PLS3: variants seen among roughly 807,000 people sequenced by gnomAD.
The protein encoded by PLS3 is plastin-3.
A neutral mutation model predicts 46.5 loss-of-function variants in PLS3; 11 were observed. The ratio of observed to expected loss-of-function variants is 0.24; its 90% confidence interval spans 0.15 to 0.39. The LOEUF is 0.39. PLS3 is among the 10% of genes least tolerant of loss of function. PLS3 has a pLI of 1.00. For missense variants in PLS3, 308 were observed against 461.8 expected, an observed-to-expected ratio of 0.67 and a Z score of 3.05; for synonymous variants, 167 against 162.2, an observed-to-expected ratio of 1.03 and a Z score of -0.22.
At chrX:115,608,000 A>C (rs782315992) in intron 1 of PLS3, among the ~76,000 whole-genome samples, 1 of 111,871 alleles carries the variant, frequency 8.9e-6, no homozygotes, top group South Asian at 3.8e-4. Context: ...TCATAGGACT[A>C]TTGTGAGGGT....
chrX:115,597,391 C>T (rs1332750044), intron 1 of PLS3, among the ~76,000 whole-genome samples: 1 of 111,397 alleles, frequency 9.0e-6, no homozygotes, highest in Admixed American at 9.6e-5. Flanking sequence ...GCAATCTCTT[C>T]TTCACATTAA....
At chrX:115,636,355 C>T (rs1434751389) in intron 7 of PLS3, among the ~76,000 whole-genome samples, 3 of 109,452 alleles carry the variant, frequency 2.7e-5, no homozygotes, top group Non-Finnish European at 5.7e-5. Flanking sequence ...TACAGGCGCC[C>T]GCCACCACGC....
Position 115,562,132 on chromosome X carries a change from A to AC in PLS3, c.-9+879dup, listed in dbSNP as rs1180093930. On this transcript the variant is annotated intron_variant, in intron 1 of 15. Coordinates refer to ENST00000355899, the MANE Select transcript of PLS3 (RefSeq NM_005032.7). ...GGCGACGGGAGGGAGGTAATAGTCT[A>AC]CCCCCCCGCCCTTTCCCCGCACAGC... 1.8e-3 allele frequency among the ~76,000 whole-genome samples: 191 copies of AC among 105,932 alleles called. 1 individual carries two copies. The highest frequency in any genetic ancestry group is 5.4e-3 in the African/African-American group (155 of 28,889). The allele number at this position is 105,932 out of a possible 115,157, so 92.0% of individuals were successfully genotyped here. A position where few individuals can be genotyped will look rare whatever the true frequency, so the allele number is the denominator to read the frequency against.
At chrX:115,586,779 G>A (rs1556632517) in intron 1 of PLS3, among the ~76,000 whole-genome samples, 1 of 111,754 alleles carries the variant, frequency 8.9e-6, no homozygotes, top group Non-Finnish European at 1.9e-5. Flanking sequence ...TCAGCAAAAT[G>A]TGCTTTGAAG....
intron 9 of PLS3, 137 bp from the exon 10 acceptor site, chrX:115,643,176 A>T: frequency 1.6e-5 from 7 of 443,081 alleles, no homozygotes; most frequent in African/African-American, 2.4e-5. Flanking sequence ...TTTTTTTTGC[A>T]TTCAAAACAA....
At chrX:115,603,955 T>G (rs1185647817) in intron 1 of PLS3, among the ~76,000 whole-genome samples, 1 of 111,914 alleles carries the variant, frequency 8.9e-6, no homozygotes, top group Non-Finnish European at 1.9e-5. Flanking sequence ...ATTTGCAAAT[T>G]AGGAGGAATG....
At chrX:115,577,400 A>G (rs1004426598) in intron 1 of PLS3, among the ~76,000 whole-genome samples, 1 of 111,687 alleles carries the variant, frequency 9.0e-6, no homozygotes, top group African/African-American at 3.3e-5. Flanking sequence ...AGTTTCCTAT[A>G]TTGTATGTAA....
chrX:115,590,707 C>G (rs1488035628), intron 1 of PLS3, among the ~76,000 whole-genome samples: 2 of 111,512 alleles, frequency 1.8e-5, no homozygotes, highest in Non-Finnish European at 3.8e-5. Context: ...GTAATCCCAG[C>G]TACTCGGGAG....
At chrX:115,574,890 A>G (rs1398487061) in intron 1 of PLS3, among the ~76,000 whole-genome samples, 1 of 111,797 alleles carries the variant, frequency 8.9e-6, no homozygotes, top group Non-Finnish European at 1.9e-5. Flanking sequence ...CATACCATCT[A>G]TTTTTATAGA....
At chrX:115,635,123 T>A in intron 7 of PLS3, 77 bp downstream of exon 7, 1 of 845,720 alleles carries the variant, frequency 1.2e-6, no homozygotes, top group Non-Finnish European at 1.7e-6. Flanking sequence ...TGCTCTCACT[T>A]AATGGAGGTG....
Position 115,643,351 on chromosome X carries a change from A to G in PLS3, c.1026A>G (p.Gln342=). The change falls in exon 10 of 16, where the codon CAA becomes CAG. Residue 342 remains glutamine (Q), a synonymous_variant. Coordinates refer to ENST00000355899, the MANE Select transcript of PLS3 (RefSeq NM_005032.7). ...TGAAGAGAGCTGAGAGTATGCTTCA[A>G]CAAGCAGATAAATTAGGTTGCAGAC... ...DDLKRAESML[Q]QADKLGCRQF... 1 of 1,200,598 alleles carries G rather than the reference A, an allele frequency of 8.3e-7. No individual in the cohort carries two copies. The highest frequency in any genetic ancestry group is 1.1e-6 in the Non-Finnish European group (1 of 885,933).
intron 2 of PLS3, chrX:115,614,467 C>G (rs1556636530): frequency 2.7e-6 from 2 of 749,303 alleles, no homozygotes; most frequent in Non-Finnish European, 3.1e-6. Flanking sequence ...GCAGCAACCT[C>G]CAGTCTACCC....
chrX:115,573,352 C>G (rs1431422510), intron 1 of PLS3, among the ~76,000 whole-genome samples: 1 of 112,015 alleles, frequency 8.9e-6, no homozygotes, highest in African/African-American at 3.2e-5. Context: ...ATTGCTCAGC[C>G]TACAAATGAA....
chrX:115,643,203 A>G (rs1374796040), intron 9 of PLS3, 110 bp from the exon 10 acceptor site: 28 of 509,213 alleles, frequency 5.5e-5, no homozygotes, highest in Non-Finnish European at 9.1e-5. Context: ...AATAAGTACC[A>G]TATGTTAGCT....
At chrX:115,637,969 G>C (rs782594324) in intron 8 of PLS3, among the ~76,000 whole-genome samples, 65 of 111,394 alleles carry the variant, frequency 5.8e-4, no homozygotes, top group African/African-American at 2.0e-3. Context: ...TGTTGTGACA[G>C]GGTCTCACTT....
rs200531547 is a variant in PLS3, at chrX:115,599,587, C to CT, written c.-8-10641dup. On this transcript the variant is annotated intron_variant, in intron 1 of 15. Transcript: ENST00000355899. ...ACCTTTCCTCCAACACATGCTTTTGCTTTTTTTTTTTTTTTCCAGCTATGC... is the reference window on the plus strand; with the variant it reads ...ACCTTTCCTCCAACACATGCTTTTGCTTTTTTTTTTTTTTTTCCAGCTATGC... Among the ~76,000 whole-genome samples, 323 of 85,639 alleles carry CT rather than the reference C, an allele frequency of 3.8e-3. 3 individuals are homozygous for CT. The highest frequency in any genetic ancestry group is 0.02 in the South Asian group (34 of 1,717). The allele number at this position is 85,639 out of a possible 115,157, so 74.4% of individuals were successfully genotyped here. A position where few individuals can be genotyped will look rare whatever the true frequency, so the allele number is the denominator to read the frequency against.
intron 1 of PLS3, among the ~76,000 whole-genome samples, chrX:115,563,895 G>A (rs1475462169): frequency 1.8e-5 from 2 of 112,024 alleles, no homozygotes; most frequent in African/African-American, 6.5e-5. Context: ...ATTTTAGATC[G>A]AAATAATAAA....
chrX:115,619,161 A>G (rs2147508881), intron 2 of PLS3, among the ~76,000 whole-genome samples: 1 of 112,295 alleles, frequency 8.9e-6, no homozygotes, highest in South Asian at 3.7e-4. Context: ...TCAGTGTGAT[A>G]GAACCAAAAA....
intron 10 of PLS3, among the ~76,000 whole-genome samples, chrX:115,643,996 A>C (rs930268730): frequency 9.0e-6 from 1 of 111,422 alleles, no homozygotes; most frequent in Non-Finnish European, 1.9e-5. Context: ...AAAAATAAAA[A>C]GTAGTCGAGT....
Sources: gnomAD v4.1 joint callset for allele counts (sites outside exome capture counted in the v4.1 genomes callset) on GRCh38, gnomAD v4.1.1 for gene constraint, MANE v1.5 for transcripts, NCBI Gene and HGNC (gene_info 2026-07-23, HGNC 2026-07-21) for gene names.